The following CATSPERD variants were observed in gnomAD, a reference collection of about 807,000 sequenced individuals.
The protein encoded by CATSPERD is cation channel sperm-associated auxiliary subunit delta.
In CATSPERD, 86 loss-of-function variants were observed where a neutral mutation model predicts 98.1. The observed-to-expected ratio is 0.88, with a 90% confidence interval of 0.74 to 1.05. The LOEUF is 1.05. Ranked by LOEUF, CATSPERD falls within the 50% of genes least tolerant of loss-of-function variation. The pLI, the probability that CATSPERD is intolerant of heterozygous loss-of-function variation, is 0.00. For missense variants in CATSPERD, 995 were observed against 1,005.7 expected, an observed-to-expected ratio of 0.99 and a Z score of 0.14; for synonymous variants, 394 against 390.2, an observed-to-expected ratio of 1.01 and a Z score of -0.12.
At chr19:5,760,667 T>C (rs1389726443) in intron 15 of CATSPERD, among the ~76,000 whole-genome samples, 1 of 151,906 alleles carries the variant, frequency 6.6e-6, no homozygotes, top group South Asian at 2.1e-4. Flanking sequence ...AGATGGATGG[T>C]GGTGATGGTT....
At position 5,728,705 on chromosome 19, in the gene CATSPERD, CT is replaced by C. The variant is rs201059226; in HGVS notation, c.204-1156del. On this transcript the variant is annotated intron_variant, in intron 3 of 21. Coordinates refer to ENST00000381624, the MANE Select transcript of CATSPERD (RefSeq NM_152784.4). ...AAGACCCATCTCTCTCTCTCTCTCTCTTTTTTTTTTTGAGACAGAGTCTTGT... is the reference window on the plus strand; with the variant it reads ...AAGACCCATCTCTCTCTCTCTCTCTCTTTTTTTTTTGAGACAGAGTCTTGT... Among the ~76,000 whole-genome samples, 71 of 145,116 alleles carry C rather than the reference CT, an allele frequency of 4.9e-4. No homozygotes were observed. The East Asian group carries it at 6.8e-3, about 14-fold the overall frequency.
intron 15 of CATSPERD, among the ~76,000 whole-genome samples, chr19:5,761,907 G>A (rs1053138048): frequency 4.0e-5 from 6 of 150,048 alleles, no homozygotes; most frequent in African/African-American, 1.2e-4. Context: ...TGTTGTTGTT[G>A]TTGTATTTTT....
At chr19:5,749,803 A>G (rs897901412) in intron 11 of CATSPERD, among the ~76,000 whole-genome samples, 1 of 134,990 alleles carries the variant, frequency 7.4e-6, no homozygotes, top group South Asian at 2.4e-4. Flanking sequence ...TGCCTATCTA[A>G]TTTTTTTTTT....
intron 11 of CATSPERD, among the ~76,000 whole-genome samples, chr19:5,750,126 A>G (rs758304207): frequency 6.6e-6 from 1 of 150,484 alleles, no homozygotes; most frequent in Non-Finnish European, 1.5e-5. Flanking sequence ...CTTAAAAATA[A>G]TAATAAAACT....
chr19:5,728,356 C>CAAAAAAAAAAAA (rs564166119), intron 3 of CATSPERD, among the ~76,000 whole-genome samples: 1 of 80,940 alleles, frequency 1.2e-5, no homozygotes, highest in Admixed American at 1.4e-4. Flanking sequence ...GACTCTGTCT[C>CAAAAAAAAAAAA]AAAAAAAAAA....
intron 18 of CATSPERD, 93 bp downstream of exon 18, chr19:5,768,335 T>TATTG: frequency 1.2e-6 from 1 of 808,070 alleles, no homozygotes; most frequent in Non-Finnish European, 1.7e-6. Flanking sequence ...TTTATTTATT[T>TATTG]ATTTATTTAT....
At chr19:5,748,311 T>C (rs1363738635) in intron 10 of CATSPERD, 56 bp downstream of exon 10, 16 of 1,527,628 alleles carry the variant, frequency 1.0e-5, no homozygotes, top group Non-Finnish European at 1.4e-5. Flanking sequence ...TTATTAACCG[T>C]AGGCCTGCCA....
At chr19:5,732,269 C>T (rs2055740901) in intron 4 of CATSPERD, among the ~76,000 whole-genome samples, 1 of 152,100 alleles carries the variant, frequency 6.6e-6, no homozygotes, top group Non-Finnish European at 1.5e-5. Context: ...CCACGCCCAG[C>T]TTCAGGGAAG....
At chr19:5,773,741 G>A (rs1486122018) in intron 20 of CATSPERD, among the ~76,000 whole-genome samples, 1 of 148,182 alleles carries the variant, frequency 6.7e-6, no homozygotes, top group African/African-American at 2.5e-5. Flanking sequence ...TGTTACACAG[G>A]CTGGCTTTGA....
intron 1 of CATSPERD, among the ~76,000 whole-genome samples, chr19:5,723,458 ATTTTT>A (rs773822808): frequency 4.4e-5 from 4 of 90,924 alleles, no homozygotes; most frequent in East Asian, 4.3e-4. Context: ...TGCCCAGCTA[ATTTTT>A]TTTTTTTTTT....
chr19:5,760,118 A>G (rs1203773309), intron 15 of CATSPERD, among the ~76,000 whole-genome samples: 1 of 149,486 alleles, frequency 6.7e-6, no homozygotes, highest in Non-Finnish European at 1.5e-5. Flanking sequence ...TGTGGCCCAC[A>G]ACACTTTGGG....
At chr19:5,760,684 C>A (rs567547749) in intron 15 of CATSPERD, among the ~76,000 whole-genome samples, 63 of 151,984 alleles carry the variant, frequency 4.1e-4, no homozygotes, top group Non-Finnish European at 7.1e-4. Flanking sequence ...GGTTGCACAA[C>A]TCTGTGAATG....
chr19:5,754,391 G>GTTTTT, intron 13 of CATSPERD, 146 bp downstream of exon 13: 1 of 273,746 alleles, frequency 3.7e-6, no homozygotes, highest in Non-Finnish European at 6.8e-6. Flanking sequence ...TTGTCTCTGT[G>GTTTTT]TCTTTTTTTT....
chr19:5,746,094 G>A (rs369406616), intron 9 of CATSPERD, 31 bp downstream of exon 9: 20 of 1,598,344 alleles, frequency 1.3e-5, no homozygotes, highest in Non-Finnish European at 1.4e-5. Context: ...TGGGGCTGCC[G>A]CCTGGTGGCC....
intron 4 of CATSPERD, among the ~76,000 whole-genome samples, chr19:5,730,961 A>G (rs2055704213): frequency 6.6e-6 from 1 of 151,974 alleles, no homozygotes; most frequent in Non-Finnish European, 1.5e-5. Context: ...AGATCGCGCC[A>G]CTGCACTCCA....
chr19:5,753,635 C>A, intron 12 of CATSPERD: 2 of 378,056 alleles, frequency 5.3e-6, no homozygotes, highest in South Asian at 3.9e-5. Flanking sequence ...TTTGGGAGGC[C>A]GAGATGGGAG....
At chr19:5,766,505 AGAGG>A (rs2056541856) in intron 17 of CATSPERD, among the ~76,000 whole-genome samples, 1 of 151,466 alleles carries the variant, frequency 6.6e-6, no homozygotes, top group South Asian at 2.1e-4. Context: ...TGGAGTGAGG[AGAGG>A]GGAGGAGAGT....
At chr19:5,776,407 A>G in intron 21 of CATSPERD, 92 bp downstream of exon 21, 1 of 1,439,786 alleles carries the variant, frequency 6.9e-7, no homozygotes. Context: ...TCCTGGCTAA[A>G]CCTGAATTCC....
At chr19:5,739,171 C>T (rs1350998734) in intron 6 of CATSPERD, among the ~76,000 whole-genome samples, 155 bp from the exon 7 acceptor site, 3 of 152,152 alleles carry the variant, frequency 2.0e-5, no homozygotes, top group East Asian at 1.9e-4. Context: ...GGCGTGTATC[C>T]ACTTTTTGGC....
Sources: allele counts gnomAD v4.1 joint callset (sites outside exome capture counted in the v4.1 genomes callset), GRCh38; gene constraint gnomAD v4.1.1; transcripts MANE v1.5; gene names NCBI Gene and HGNC (gene_info 2026-07-23, HGNC 2026-07-21).